The following NRXN1 variants were observed in gnomAD, a reference collection of about 807,000 sequenced individuals.
The protein encoded by NRXN1 is neurexin-1.
In NRXN1, 39 loss-of-function variants were observed where a neutral mutation model predicts 150.9. That is an observed-to-expected ratio of 0.26 (90% CI 0.20 to 0.34). The LOEUF (loss-of-function observed/expected upper bound fraction) is 0.34. Ranked by LOEUF, NRXN1 falls within the 10% of genes least tolerant of loss-of-function variation. NRXN1 has a pLI of 1.00. For missense variants in NRXN1, 1,815 were observed against 1,949.9 expected, an observed-to-expected ratio of 0.93 and a Z score of 1.30; for synonymous variants, 924 against 757.0, an observed-to-expected ratio of 1.22 and a Z score of -3.62.
chr2:51,030,461 T>C (rs1671320684), intron 1 of NRXN1, among the ~76,000 whole-genome samples: 1 of 151,872 alleles, frequency 6.6e-6, no homozygotes, highest in Non-Finnish European at 1.5e-5. Context: ...AGGTGTCAGC[T>C]GAGAGCCACC....
intron 17 of NRXN1, among the ~76,000 whole-genome samples, chr2:50,415,973 A>AT (rs397941759): frequency 6.8e-6 from 1 of 146,984 alleles, no homozygotes; most frequent in African/African-American, 2.6e-5. Context: ...AAAAAAAAAA[A>AT]GCTTGGACTA....
intron 17 of NRXN1, among the ~76,000 whole-genome samples, chr2:50,450,633 T>C (rs6736016): frequency 0.55 from 83,689 of 151,924 alleles, 26,781 homozygotes; most frequent in East Asian, 0.92. Flanking sequence ...ATATACAGAG[T>C]GGAACTACAC....
chr2:50,880,244 C>T (rs1011297584), intron 5 of NRXN1, among the ~76,000 whole-genome samples: 5 of 151,946 alleles, frequency 3.3e-5, no homozygotes, highest in Non-Finnish European at 7.4e-5. Flanking sequence ...TATGTTGGCA[C>T]CCAAGAAATG....
intron 21 of NRXN1, among the ~76,000 whole-genome samples, chr2:50,050,296 A>C (rs1449907357): frequency 1.6e-4 from 25 of 151,908 alleles, no homozygotes; most frequent in South Asian, 2.1e-4. Context: ...CCCTATTACT[A>C]TCCCTGCAGG....
intron 8 of NRXN1, among the ~76,000 whole-genome samples, chr2:50,575,993 CT>C (rs1671384143): frequency 6.6e-6 from 1 of 152,086 alleles, no homozygotes; most frequent in East Asian, 1.9e-4. Context: ...AACCTAGGAT[CT>C]TTATAAATAT....
chr2:50,428,259 A>G (rs1258075963), intron 17 of NRXN1, among the ~76,000 whole-genome samples: 1 of 152,116 alleles, frequency 6.6e-6, no homozygotes, highest in East Asian at 1.9e-4. Flanking sequence ...ACGAAAAAAT[A>G]AAACATTTAG....
At chr2:50,986,147 A>G (rs778125271) in intron 2 of NRXN1, among the ~76,000 whole-genome samples, 3 of 151,770 alleles carry the variant, frequency 2.0e-5, no homozygotes, top group Non-Finnish European at 4.4e-5. Context: ...TTAAAACAGC[A>G]ACATAATTCT....
chr2:49,925,065 G>A (rs892546798), intron 22 of NRXN1, among the ~76,000 whole-genome samples: 4 of 152,082 alleles, frequency 2.6e-5, no homozygotes, highest in African/African-American at 9.7e-5. Flanking sequence ...GCCGAGGCGA[G>A]TGGATCACGA....
intron 5 of NRXN1, among the ~76,000 whole-genome samples, chr2:50,685,488 C>G (rs946160704): frequency 6.6e-6 from 1 of 152,148 alleles, no homozygotes; most frequent in African/African-American, 2.4e-5. Flanking sequence ...ATCTCCATTG[C>G]TAAGGCTTGA....
chr2:50,768,861 G>C (rs1472307297), intron 5 of NRXN1, among the ~76,000 whole-genome samples: 1 of 151,400 alleles, frequency 6.6e-6, no homozygotes, highest in East Asian at 2.0e-4. Flanking sequence ...ATGCTTTTGG[G>C]TTATGGAGTA....
chr2:50,858,092 AT>A (rs113571564), intron 5 of NRXN1, among the ~76,000 whole-genome samples: 5,481 of 149,232 alleles, frequency 0.037, 171 homozygotes, highest in East Asian at 0.18. Context: ...ACCCAAATAG[AT>A]TTTTTTTTTT....
chr2:50,077,372 C>T (rs1243848402), intron 19 of NRXN1, among the ~76,000 whole-genome samples: 3 of 152,122 alleles, frequency 2.0e-5, no homozygotes, highest in African/African-American at 4.8e-5. Flanking sequence ...ATTTGAACTC[C>T]ATTTCCATAA....
intron 2 of NRXN1, among the ~76,000 whole-genome samples, chr2:51,010,414 T>C (rs1667661007): frequency 6.6e-6 from 1 of 151,996 alleles, no homozygotes; most frequent in African/African-American, 2.4e-5. Context: ...CAAACTTCCA[T>C]ACCAGTTCAC....
At chr2:50,192,491 G>C (rs375657817) in intron 18 of NRXN1, among the ~76,000 whole-genome samples, 5 of 152,106 alleles carry the variant, frequency 3.3e-5, no homozygotes, top group Non-Finnish European at 1.5e-5. Context: ...ATATTCCTTA[G>C]ATGTTAGTAA....
intron 18 of NRXN1, among the ~76,000 whole-genome samples, chr2:50,231,801 C>G (rs1379842318): frequency 1.3e-5 from 2 of 152,068 alleles, no homozygotes; most frequent in Non-Finnish European, 2.9e-5. Flanking sequence ...CATCACTAAA[C>G]TGCTATATGA....
intron 5 of NRXN1, among the ~76,000 whole-genome samples, chr2:50,916,095 A>G (rs1381672980): frequency 6.8e-6 from 1 of 148,044 alleles, no homozygotes; most frequent in Non-Finnish European, 1.5e-5. Context: ...CACTAAATTT[A>G]TTGACTAAGA....
chr2:50,659,057 C>T (rs1408568568), intron 5 of NRXN1, among the ~76,000 whole-genome samples: 1 of 152,038 alleles, frequency 6.6e-6, no homozygotes, highest in East Asian at 1.9e-4. Context: ...AACTTCTGCC[C>T]TCTGGCCCTT....
At chr2:50,113,749 A>T (rs1352421839) in intron 18 of NRXN1, among the ~76,000 whole-genome samples, 1 of 152,196 alleles carries the variant, frequency 6.6e-6, no homozygotes, top group Non-Finnish European at 1.5e-5. Flanking sequence ...GCTGTGAGTG[A>T]GGCAGAAGGA....
chr2:50,427,361 G>T (rs1167723333), intron 17 of NRXN1, among the ~76,000 whole-genome samples: 3 of 123,890 alleles, frequency 2.4e-5, no homozygotes, highest in African/African-American at 1.1e-4. Context: ...CATATATTCT[G>T]CCAAAAAAAA....
Sources: allele counts gnomAD v4.1 joint callset (sites outside exome capture counted in the v4.1 genomes callset), GRCh38; gene constraint gnomAD v4.1.1; transcripts MANE v1.5; gene names NCBI Gene and HGNC (gene_info 2026-07-23, HGNC 2026-07-21).